Variants in KIAA1217 observed in about 807,000 individuals in gnomAD.
KIAA1217 encodes KIAA1217.
In KIAA1217, 88 loss-of-function variants were observed where a neutral mutation model predicts 163.9. The ratio of observed to expected loss-of-function variants is 0.54; its 90% CI spans 0.45 to 0.64. The LOEUF is 0.64. Among genes scored for constraint, KIAA1217 ranks in the 30% least tolerant of loss-of-function variants. KIAA1217 has a pLI of 0.00. For synonymous variants in KIAA1217, 903 were observed against 923.1 expected (o/e 0.98, Z 0.39); for missense variants, 2,372 against 2,475.0 (o/e 0.96, Z 0.88).
chr10:24,121,865 A>C (rs939446670), intron 2 of KIAA1217, among the ~76,000 whole-genome samples: 1 of 152,112 alleles, frequency 6.6e-6, no homozygotes, highest in Non-Finnish European at 1.5e-5. Context: ...CCTTTATTAC[A>C]TACTCAATGA....
At chr10:24,464,114 T>C (rs567299082) in intron 5 of KIAA1217, among the ~76,000 whole-genome samples, 1 of 152,280 alleles carries the variant, frequency 6.6e-6, no homozygotes, top group East Asian at 1.9e-4. Context: ...GTTTAGGAAA[T>C]TGGCTTGTCT....
At chr10:24,055,783 C>A (rs1849850846) in intron 2 of KIAA1217, among the ~76,000 whole-genome samples, 1 of 151,784 alleles carries the variant, frequency 6.6e-6, no homozygotes, top group South Asian at 2.1e-4. Flanking sequence ...TTAAATACAA[C>A]ACACTAGGAA....
intron 2 of KIAA1217, among the ~76,000 whole-genome samples, chr10:24,364,244 G>A (rs905855685): frequency 7.2e-5 from 11 of 152,144 alleles, no homozygotes; most frequent in African/African-American, 2.4e-4. Flanking sequence ...CTCCCAAAGT[G>A]CTGGGATTAC....
intron 1 of KIAA1217, among the ~76,000 whole-genome samples, chr10:23,987,894 G>T (rs1401960800): frequency 1.3e-5 from 2 of 151,990 alleles, no homozygotes; most frequent in Admixed American, 6.5e-5. Flanking sequence ...TTTAAAGGTG[G>T]TTTGCAAACT....
intron 3 of KIAA1217, among the ~76,000 whole-genome samples, chr10:24,404,878 C>G (rs2057030095): frequency 6.6e-6 from 1 of 152,176 alleles, no homozygotes; most frequent in African/African-American, 2.4e-5. Context: ...AAGCCAGTCT[C>G]TAAAGTTTAC....
At chr10:24,179,615 G>A (rs2066073387) in intron 2 of KIAA1217, among the ~76,000 whole-genome samples, 1 of 151,824 alleles carries the variant, frequency 6.6e-6, no homozygotes, top group Non-Finnish European at 1.5e-5. Flanking sequence ...CTGAGATGGA[G>A]TCTCACTCTG....
At position 24,215,258 on chromosome 10, in the gene KIAA1217, C is replaced by T. The variant is rs115951696; in HGVS notation, c.71-4368C>T. 8.1e-3 allele frequency among the ~76,000 whole-genome samples: 1,237 copies of T among 152,222 alleles called. 16 individuals are homozygous for T. Among genetic ancestry groups the T allele is most frequent in the African/African-American group, 0.029 (1,188 of 41,520 alleles). On this transcript the variant is annotated intron_variant, in intron 1 of 20. Transcript: ENST00000376454. ...CTCTTTGCCCTGCTTGAAGTGAGCT[C>T]CCAGGAGGAGTTGCCCTGGGCTCTG...
At chr10:24,331,949 G>T (rs767477507) in intron 2 of KIAA1217, among the ~76,000 whole-genome samples, 8 of 152,266 alleles carry the variant, frequency 5.3e-5, no homozygotes, top group Middle Eastern at 3.4e-3. Flanking sequence ...ACAGGCGCGT[G>T]CCACCATGCC....
At chr10:23,855,069 G>T (rs2131111392) in intron 1 of KIAA1217, among the ~76,000 whole-genome samples, 1 of 152,234 alleles carries the variant, frequency 6.6e-6, no homozygotes, top group African/African-American at 2.4e-5. Flanking sequence ...GATGTTAGCT[G>T]GTTATTTTGC....
At chr10:24,199,639 A>G (rs1352836711) in intron 2 of KIAA1217, among the ~76,000 whole-genome samples, 1 of 152,252 alleles carries the variant, frequency 6.6e-6, no homozygotes, top group Non-Finnish European at 1.5e-5. Flanking sequence ...AACCAATGGC[A>G]ATTTTTAACT....
At chr10:24,473,169 G>T in intron 5 of KIAA1217, 59 bp from the exon 6 acceptor site, 1 of 1,228,814 alleles carries the variant, frequency 8.1e-7, no homozygotes, top group South Asian at 1.5e-5. Flanking sequence ...TACACACTGA[G>T]ACTTCTCTTG....
intron 2 of KIAA1217, among the ~76,000 whole-genome samples, chr10:24,236,871 C>T (rs1189262099): frequency 6.6e-6 from 1 of 151,980 alleles, no homozygotes; most frequent in African/African-American, 2.4e-5. Context: ...AAGCTGGTCT[C>T]AAACTCCTGG....
rs1554794736 is a variant in KIAA1217 at position 23,790,291 on chromosome 10, G to GCATATATA, written c.-321+95062_-321+95063insATACATAT. On this transcript the variant is annotated intron_variant, in intron 1 of 18. Coordinates refer to the KIAA1217 transcript ENST00000376462. ...TATGCACATATGCATATGCACATAT[G>GCATATATA]CATATGCACATATGCATATATACAT... is the stretch of plus-strand genomic sequence containing the variant. Among the ~76,000 whole-genome samples the GCATATATA allele has an allele frequency of 2.6e-5, 2 of 75,972 alleles. 1 individual carries two copies. The highest frequency in any genetic ancestry group is 5.3e-5 in the Non-Finnish European group (2 of 37,978). The allele number at this position is 75,972 out of a possible 152,430, so 49.8% of individuals were successfully genotyped here.
chr10:24,205,302 CAAAAAAAAAAA>C (rs61292023), upstream of KIAA1217, among the ~76,000 whole-genome samples: 198 of 36,612 alleles, frequency 5.4e-3, 1 homozygote, highest in African/African-American at 0.015. Context: ...ACTAAAAATA[CAAAAAAAAAAA>C]AAAAAAAAAA....
chr10:23,975,215 T>C (rs1247292873), intron 1 of KIAA1217, among the ~76,000 whole-genome samples: 1 of 152,172 alleles, frequency 6.6e-6, no homozygotes, highest in African/African-American at 2.4e-5. Flanking sequence ...TCAAGAGAAG[T>C]TGGCCCCTCA....
rs377471847 is a variant in KIAA1217, at chr10:24,501,379, G to A, written c.1835G>A (p.Gly612Glu). 6.2e-7 allele frequency: 1 copy of A among 1,604,278 alleles called. No individual in the cohort carries two copies. Among genetic ancestry groups the A allele is most frequent in the Non-Finnish European group, 8.5e-7 (1 of 1,172,316 alleles). Residue 612 changes from glycine to glutamate, a missense_variant and splice_region_variant, in exon 9 of 21, where the codon GGA becomes GAA. Coordinates refer to ENST00000376454, the MANE Select transcript of KIAA1217 (RefSeq NM_019590.5). ...TANRNHTDSA[G>E]TPHVSGGKML... ...GTTCTCTGATGCACTTTTCTCATAG[G>A]AACGCCCCATGTGTCTGGTGGGAAG...
intron 2 of KIAA1217, among the ~76,000 whole-genome samples, chr10:24,183,703 T>C (rs1292958248): frequency 2.0e-5 from 3 of 152,210 alleles, no homozygotes; most frequent in Non-Finnish European, 4.4e-5. Flanking sequence ...ACTCCCTCTC[T>C]ATTTTAGGAA....
chr10:23,979,722 C>G (rs1035387180), intron 1 of KIAA1217, among the ~76,000 whole-genome samples: 1 of 152,106 alleles, frequency 6.6e-6, no homozygotes, highest in Non-Finnish European at 1.5e-5. Flanking sequence ...CCAATTGATA[C>G]CGTAGTGTGG....
chr10:23,814,008 AG>A (rs753831051), intron 1 of KIAA1217, among the ~76,000 whole-genome samples: 3 of 152,174 alleles, frequency 2.0e-5, no homozygotes, highest in Non-Finnish European at 2.9e-5. Flanking sequence ...GTTCTGACAA[AG>A]CTTTCACAGT....
Sources: allele counts gnomAD v4.1 joint callset (sites outside exome capture counted in the v4.1 genomes callset), GRCh38; gene constraint gnomAD v4.1.1; transcripts MANE v1.5; gene names NCBI Gene and HGNC (gene_info 2026-07-23, HGNC 2026-07-21).